Variants in TMEM176B observed in about 807,000 individuals in gnomAD.
The protein encoded by TMEM176B is LR8-like protein.
A neutral mutation model predicts 30.3 loss-of-function variants in TMEM176B; 28 were observed. That is an observed-to-expected ratio of 0.92 (90% CI 0.68 to 1.27). TMEM176B has a LOEUF of 1.27. TMEM176B is among the 50% of genes most tolerant of loss of function. The pLI is 0.00. For missense variants in TMEM176B, 349 were observed against 327.4 expected (o/e 1.07, Z -0.51); for synonymous variants, 123 against 130.3 (o/e 0.94, Z 0.38).
intron 5 of TMEM176B, among the ~76,000 whole-genome samples, chr7:150,792,465 G>C (rs758985454): frequency 6.6e-6 from 1 of 152,208 alleles, no homozygotes; most frequent in South Asian, 2.1e-4. Context: ...GAAGCCCTTA[G>C]CTGGTCTGGC....
Position 150,792,178 on chromosome 7 carries a change from G to A in TMEM176B, c.601-3C>T. On this transcript the variant is annotated splice_polypyrimidine_tract_variant and splice_region_variant and intron_variant, in intron 5 of 6. Transcript: ENST00000326442. Reference sequence around the variant, plus strand: ...GCACGGATTGCTGTGAACAACTTCTGGAGATAAGGGAAGAACAAAGATAGT... The same window carrying A: ...GCACGGATTGCTGTGAACAACTTCTAGAGATAAGGGAAGAACAAAGATAGT... 2 of 1,613,030 alleles carry A rather than the reference G, an allele frequency of 1.2e-6. No homozygotes were observed. The highest frequency in any genetic ancestry group is 1.7e-6 in the Non-Finnish European group (2 of 1,179,472).
At chr7:150,794,119 C>T (rs1391649311) in intron 2 of TMEM176B, 48 bp from the exon 3 acceptor site, 6 of 1,498,884 alleles carry the variant, frequency 4.0e-6, no homozygotes, top group Non-Finnish European at 5.5e-6. Context: ...AGTCCACATG[C>T]CCCGGCTGCC....
At position 150,792,239 on chromosome 7, in the gene TMEM176B, AC is replaced by A. The variant is rs1326372144; in HGVS notation, c.601-65del. The A allele has an allele frequency of 8.2e-6, 13 of 1,587,182 alleles. No individual in the cohort carries two copies. The Admixed American group carries it at 2.2e-4, about 27-fold the overall frequency. The stretch of plus-strand genomic sequence containing the variant: ...CTACTCCAATGCTGCCCACATCACC[AC>A]CCTCTCCACCCACCCAGGCACTGAC... On this transcript the variant is annotated intron_variant, in intron 5 of 6. Coordinates refer to ENST00000326442, the MANE Select transcript of TMEM176B (RefSeq NM_001101312.2).
chr7:150,793,642 T>C (rs1435150537), intron 3 of TMEM176B, 42 bp from the exon 4 acceptor site: 2 of 1,601,544 alleles, frequency 1.2e-6, no homozygotes, highest in Non-Finnish European at 1.7e-6. Context: ...TTTACTCTTC[T>C]GAATTGGTCT....
At chr7:150,793,472 G>A in intron 4 of TMEM176B, 72 bp downstream of exon 4, 1 of 1,578,556 alleles carries the variant, frequency 6.3e-7, no homozygotes, top group South Asian at 1.1e-5. Flanking sequence ...CCAAAGGGCA[G>A]AAGACAGATA....
At chr7:150,797,068 A>G (rs1421470268) in intron 1 of TMEM176B, among the ~76,000 whole-genome samples, 1 of 152,260 alleles carries the variant, frequency 6.6e-6, no homozygotes, top group East Asian at 1.9e-4. Flanking sequence ...GATTTTACAC[A>G]TAAAAAAGTT....
chr7:150,791,684 T>C (rs1336456095), intron 6 of TMEM176B, 61 bp from the exon 7 acceptor site: 3 of 1,441,460 alleles, frequency 2.1e-6, no homozygotes, highest in East Asian at 2.3e-5. Flanking sequence ...GTTAGTATCA[T>C]AGAACTCAGA....
At chr7:150,794,116 A>G (rs756176432) in intron 2 of TMEM176B, 45 bp from the exon 3 acceptor site, 7 of 1,521,712 alleles carry the variant, frequency 4.6e-6, no homozygotes, top group African/African-American at 2.7e-5. Context: ...GTGAGTCCAC[A>G]TGCCCCGGCT....
intron 2 of TMEM176B, 52 bp downstream of exon 2, chr7:150,796,314 A>G (rs1238367299): frequency 3.3e-6 from 5 of 1,532,246 alleles, no homozygotes. Flanking sequence ...ATTTTAATTG[A>G]CCTCATCACC....
Position 150,791,490 on chromosome 7 carries a change from T to C in TMEM176B, c.*41A>G, listed in dbSNP as rs1273777127. The stretch of plus-strand genomic sequence containing the variant: ...CAGGAGTGGGGGCCCTGGGCTGCCC[T>C]AGACAGGGACATGCGGGCACCCCGT... On this transcript the variant is annotated 3_prime_UTR_variant, in exon 7 of 7. Transcript: ENST00000326442. 4.4e-6 allele frequency: 7 copies of C among 1,579,572 alleles called. No individual in the cohort carries two copies. Among genetic ancestry groups the C allele is most frequent in the Middle Eastern group, 2.1e-4 (1 of 4,788 alleles).
chr7:150,798,689 G>A lies in TMEM176B; in HGVS notation c.-6+1609C>T, dbSNP rs144752259. The stretch of plus-strand genomic sequence containing the variant: ...AGCCTCCCAAAGTGCTGCAATTACA[G>A]GTGTGAGCCACCACGCCTGGCCCAT... On this transcript the variant is annotated intron_variant, in intron 1 of 6. Transcript: ENST00000326442. Among the ~76,000 whole-genome samples the A allele has an allele frequency of 9.4e-3, 1,432 of 152,268 alleles. 25 individuals are homozygous for A. The highest frequency in any genetic ancestry group is 0.03 in the African/African-American group (1,245 of 41,546).
chr7:150,793,373 G>A lies in TMEM176B; in HGVS notation c.373-58C>T, dbSNP rs879010254. On this transcript the variant is annotated intron_variant, in intron 4 of 6. Transcript: ENST00000326442. The stretch of plus-strand genomic sequence containing the variant: ...CTTCAATCGGTGGAAGAGTCATGAG[G>A]TCCCCGCCTCAAATCCCTCTCCTCT... 3 of 1,547,508 alleles carry A rather than the reference G, an allele frequency of 1.9e-6. No homozygotes were observed. The South Asian group carries it at 3.5e-5, about 18-fold the overall frequency.
Position 150,791,508 on chromosome 7 carries a change from C to T in TMEM176B, c.*23G>A, listed in dbSNP as rs1472001467. The T allele has an allele frequency of 1.2e-6, 2 of 1,606,890 alleles. No homozygotes were observed. The highest frequency in any genetic ancestry group is 1.7e-6 in the Non-Finnish European group (2 of 1,175,246). On this transcript the variant is annotated 3_prime_UTR_variant, in exon 7 of 7. Coordinates refer to ENST00000326442, the MANE Select transcript of TMEM176B (RefSeq NM_001101312.2). Reference sequence around the variant, plus strand: ...GCTGCCCTAGACAGGGACATGCGGGCACCCCGTGGGGTCTTTGGCAGCTCA... The same window carrying T: ...GCTGCCCTAGACAGGGACATGCGGGTACCCCGTGGGGTCTTTGGCAGCTCA...
intron 6 of TMEM176B, 61 bp downstream of exon 6, chr7:150,791,995 C>A: frequency 6.2e-7 from 1 of 1,607,798 alleles, no homozygotes; most frequent in South Asian, 1.1e-5. Flanking sequence ...GCACTCCTAC[C>A]TGTCCCACAC....
In TMEM176B at chr7:150,800,349, C is replaced by G. The variant is rs1254276461; in HGVS notation, c.-57G>C. ...GAGCAGAGCGGACACTAGCTGACCC[C>G]GAGCAGGGGAGCGACGGGAGGGCGG... On this transcript the variant is annotated 5_prime_UTR_variant, in exon 1 of 7. Coordinates refer to ENST00000326442, the MANE Select transcript of TMEM176B (RefSeq NM_001101312.2). 2.0e-5 allele frequency: 3 copies of G among 152,192 alleles called. No homozygotes were observed. Among genetic ancestry groups the G allele is most frequent in the Admixed American group, 1.3e-4 (2 of 15,286 alleles). The allele number at this position is 152,192 out of a possible 1,614,324, so 9.4% of individuals were successfully genotyped here. A position where few individuals can be genotyped will look rare whatever the true frequency, so the allele number is the denominator to read the frequency against.
chr7:150,801,019 G>C (rs910455664), upstream of TMEM176B: 8 of 984,718 alleles, frequency 8.1e-6, no homozygotes, highest in South Asian at 4.7e-5. Flanking sequence ...GGTCCTTCAC[G>C]GGGCAGGGGC....
upstream of TMEM176B, chr7:150,800,862 G>C: frequency 1.0e-6 from 1 of 968,994 alleles, no homozygotes; most frequent in Non-Finnish European, 1.2e-6. Context: ...CGGCCCCCGG[G>C]CCTCCTTCCG....
Position 150,791,600 on chromosome 7 carries a change from C to T in TMEM176B, c.744G>A (p.Arg248=), listed in dbSNP as rs142862771. The change falls in exon 7 of 7, where the codon AGG becomes AGA. Residue 248 remains arginine (R), a synonymous_variant. Coordinates refer to ENST00000326442, the MANE Select transcript of TMEM176B (RefSeq NM_001101312.2). ...QPLNEEGSEK[R]LLGENSVPPS... Reference sequence around the variant, plus strand: ...GGGGCACTGAATTCTCCCCCAGTAGCCTCTTCTCTGATCCTTCCTCATTCT... The same window carrying T: ...GGGGCACTGAATTCTCCCCCAGTAGTCTCTTCTCTGATCCTTCCTCATTCT... The T allele has an allele frequency of 1.3e-4, 205 of 1,613,684 alleles. No homozygotes were observed. The Middle Eastern group carries it at 2.8e-3, about 22-fold the overall frequency.
rs142435838 is a variant in TMEM176B at position 150,796,497 on chromosome 7, C to T, written c.73G>A (p.Val25Ile). 321 of 1,614,208 alleles carry T rather than the reference C, an allele frequency of 2.0e-4. No individual in the cohort carries two copies. The highest frequency in any genetic ancestry group is 4.0e-4 in the African/African-American group (30 of 75,054). Residue 25 changes from valine to isoleucine, a missense_variant, in exon 2 of 7, where the codon GTC (valine) becomes ATC (isoleucine). Coordinates refer to ENST00000326442, the MANE Select transcript of TMEM176B (RefSeq NM_001101312.2). The stretch of plus-strand genomic sequence containing the variant: ...AAAGCTGACTCCTGGTGGATGTGGA[C>T]GTTGACGTGGGTGGGCTGGGATGGC... ...SRPSQPTHVN[V>I]HIHQESALTQ...
Sources: gnomAD v4.1 joint callset for allele counts (sites outside exome capture counted in the v4.1 genomes callset) on GRCh38, gnomAD v4.1.1 for gene constraint, MANE v1.5 for transcripts, NCBI Gene and HGNC (gene_info 2026-07-23, HGNC 2026-07-21) for gene names.